PRKAR1B: variants seen among roughly 807,000 people sequenced by gnomAD.
PRKAR1B encodes cAMP-dependent protein kinase type I-beta regulatory subunit.
In PRKAR1B, 22 loss-of-function variants were observed where a neutral mutation model predicts 46.5. The observed-to-expected ratio is 0.47, with a 90% CI of 0.34 to 0.68. The LOEUF (loss-of-function observed/expected upper bound fraction) is 0.68. PRKAR1B is among the 30% of genes least tolerant of loss of function. The pLI, the probability that PRKAR1B is intolerant of heterozygous loss-of-function variation, is 0.01. For synonymous variants in PRKAR1B, 259 were observed against 217.7 expected (o/e 1.19, Z -1.67); for missense variants, 445 against 535.6 (o/e 0.83, Z 1.67).
At chr7:726,965 T>C in intron 1 of PRKAR1B, 1 of 1,316,182 alleles carries the variant, frequency 7.6e-7, no homozygotes, top group Non-Finnish European at 9.7e-7. Flanking sequence ...CCGCGCTTGC[T>C]GCGCTGCCTG....
At chr7:573,393 TC>T (rs1779637097) in intron 9 of PRKAR1B, among the ~76,000 whole-genome samples, 2 of 151,318 alleles carry the variant, frequency 1.3e-5, no homozygotes, top group South Asian at 4.2e-4. Flanking sequence ...CGCTCTGCTC[TC>T]CCCACAGACA....
At chr7:688,412 A>T (rs1014440929) in intron 2 of PRKAR1B, among the ~76,000 whole-genome samples, 6 of 151,910 alleles carry the variant, frequency 3.9e-5, no homozygotes, top group African/African-American at 1.4e-4. Context: ...TCAAAAAAAA[A>T]AAAAATACAA....
rs117965105 is a variant in PRKAR1B at position 707,295 on chromosome 7, G to A, written c.177+4034C>T. Among the ~76,000 whole-genome samples the A allele has an allele frequency of 5.8e-3, 889 of 152,222 alleles. 3 individuals are homozygous for A. Among genetic ancestry groups the A allele is most frequent in the Non-Finnish European group, 9.1e-3 (620 of 68,026 alleles). On this transcript the variant is annotated intron_variant, in intron 2 of 10. Coordinates refer to ENST00000537384, the MANE Select transcript of PRKAR1B (RefSeq NM_001164760.2). ...AAACAAACAAAAATCACCTGCAATC[G>A]TGCCCTGAGACGCCACTCTTTTCAA...
At position 667,656 on chromosome 7, in the gene PRKAR1B, G is replaced by A. The variant is rs940557124; in HGVS notation, c.440+9573C>T. ...CCATGCAGGCAGGGTAGCGGCAGGT[G>A]CAGGTGATGTGTCCTTACAGGGGAG... On this transcript the variant is annotated intron_variant, in intron 4 of 10. Coordinates refer to ENST00000537384, the MANE Select transcript of PRKAR1B (RefSeq NM_001164760.2). The surrounding 1 kb of genome is among the most constrained non-coding windows in gnomAD (Gnocchi z 4.3). 2.0e-5 allele frequency among the ~76,000 whole-genome samples: 3 copies of A among 152,194 alleles called. No homozygotes were observed. Among genetic ancestry groups the A allele is most frequent in the African/African-American group, 7.2e-5 (3 of 41,444 alleles).
intron 4 of PRKAR1B, among the ~76,000 whole-genome samples, chr7:647,399 C>T (rs1784670499): frequency 6.6e-6 from 1 of 152,118 alleles, no homozygotes; most frequent in African/African-American, 2.4e-5. Context: ...CGTCCTCTCC[C>T]ATCCATGCCC....
At chr7:610,018 C>T (rs1237423398) in intron 4 of PRKAR1B, among the ~76,000 whole-genome samples, 1 of 152,230 alleles carries the variant, frequency 6.6e-6, no homozygotes, top group African/African-American at 2.4e-5. Context: ...GCTGGGATTA[C>T]AGGCATGAGC....
chr7:590,150 C>T (rs1780892505), intron 7 of PRKAR1B, among the ~76,000 whole-genome samples: 1 of 152,242 alleles, frequency 6.6e-6, no homozygotes, highest in Non-Finnish European at 1.5e-5. Flanking sequence ...TGTGCAGCCC[C>T]ACGCCCTTCA....
intron 4 of PRKAR1B, among the ~76,000 whole-genome samples, chr7:647,337 A>C (rs1294399718): frequency 1.3e-5 from 2 of 151,778 alleles, no homozygotes; most frequent in African/African-American, 4.8e-5. Flanking sequence ...AGCCAGCATC[A>C]CCTGTGGCTG....
chr7:607,404 A>T lies in PRKAR1B; in HGVS notation c.489T>A (p.Thr163=). ...MFPVTHIAGE[T]VIQQGNEGDN... is the part of the protein sequence containing the mutation. Reference sequence around the variant, plus strand: ...GGCAGAACGTACCTTGCTGTATAACAGTCTCCCCAGCGATGTGAGTGACAG... The same window carrying T: ...GGCAGAACGTACCTTGCTGTATAACTGTCTCCCCAGCGATGTGAGTGACAG... Residue 163 remains threonine (T), a synonymous_variant, in exon 5 of 11, where the codon ACT becomes ACA. Coordinates refer to ENST00000537384, the MANE Select transcript of PRKAR1B (RefSeq NM_001164760.2). 1 of 1,613,878 alleles carries T rather than the reference A, an allele frequency of 6.2e-7. No individual in the cohort carries two copies. Among genetic ancestry groups the T allele is most frequent in the Non-Finnish European group, 8.5e-7 (1 of 1,179,802 alleles).
chr7:625,833 C>T (rs1278368591), intron 4 of PRKAR1B, among the ~76,000 whole-genome samples: 1 of 152,026 alleles, frequency 6.6e-6, no homozygotes, highest in Non-Finnish European at 1.5e-5. Context: ...TGGTGAAACC[C>T]CATCTCTAGT....
At chr7:616,766 A>G (rs543188136) in intron 4 of PRKAR1B, among the ~76,000 whole-genome samples, 15 of 152,310 alleles carry the variant, frequency 9.8e-5, no homozygotes, top group African/African-American at 3.6e-4. Flanking sequence ...CGATGTTTTC[A>G]AAGACACATT....
chr7:606,324 A>T, intron 5 of PRKAR1B, 85 bp from the exon 6 acceptor site: 1 of 1,282,848 alleles, frequency 7.8e-7, no homozygotes, highest in Admixed American at 1.8e-5. Flanking sequence ...CTTTCGCAAC[A>T]CTGTTGCAGA....
chr7:713,061 TG>T, intron 1 of PRKAR1B: 1 of 152,314 alleles, frequency 6.6e-6, no homozygotes, highest in Non-Finnish European at 1.5e-5. Flanking sequence ...CCACCTTTCT[TG>T]GGGATCCAGA....
intron 4 of PRKAR1B, among the ~76,000 whole-genome samples, chr7:640,763 CAA>C (rs1433060404): frequency 5.3e-5 from 6 of 112,602 alleles, no homozygotes; most frequent in African/African-American, 2.2e-4. Flanking sequence ...AACTCTGTCT[CAA>C]ACACACACAC....
Position 667,151 on chromosome 7 carries a change from GATGATA to G in PRKAR1B, c.440+10072_440+10077del, listed in dbSNP as rs771224023. 2.1e-3 allele frequency among the ~76,000 whole-genome samples: 323 copies of G among 151,042 alleles called. 1 individual carries two copies. Among genetic ancestry groups the G allele is most frequent in the Non-Finnish European group, 4.0e-3 (267 of 67,384 alleles). ...TGATGAGGATGGTGGTGGTGATGGT[GATGATA>G]ATGATGGTGATGATGACAGTGATGA... On this transcript the variant is annotated intron_variant, in intron 4 of 10. Coordinates refer to ENST00000537384, the MANE Select transcript of PRKAR1B (RefSeq NM_001164760.2). The surrounding 1 kb of genome is among the most constrained non-coding windows in gnomAD (Gnocchi z 4.3).
At chr7:588,362 T>G (rs1483610453) in intron 7 of PRKAR1B, among the ~76,000 whole-genome samples, 3 of 152,186 alleles carry the variant, frequency 2.0e-5, no homozygotes, top group Non-Finnish European at 1.5e-5. Flanking sequence ...CCTCACTGGG[T>G]CATTATGAGA....
intron 4 of PRKAR1B, among the ~76,000 whole-genome samples, chr7:635,768 G>A (rs1394494340): frequency 1.3e-5 from 2 of 152,122 alleles, no homozygotes; most frequent in African/African-American, 2.4e-5. Flanking sequence ...GCAAAGGTAA[G>A]GAGGTGAATG....
At chr7:574,993 A>T (rs1366116616) in intron 9 of PRKAR1B, among the ~76,000 whole-genome samples, 1 of 152,202 alleles carries the variant, frequency 6.6e-6, no homozygotes, top group African/African-American at 2.4e-5. Context: ...TCTGTTGTCT[A>T]GGCAAGGAAG....
At chr7:649,383 A>G (rs1784781467) in intron 4 of PRKAR1B, among the ~76,000 whole-genome samples, 2 of 152,224 alleles carry the variant, frequency 1.3e-5, no homozygotes, top group South Asian at 4.1e-4. Context: ...CCCTGTGAAC[A>G]CAAGGTTATA....
Sources: allele counts gnomAD v4.1 joint callset (sites outside exome capture counted in the v4.1 genomes callset), GRCh38; gene constraint gnomAD v4.1.1; non-coding constraint Gnocchi (gnomAD v3.1); transcripts MANE v1.5; gene names NCBI Gene and HGNC (gene_info 2026-07-23, HGNC 2026-07-21).